MNS1: variants seen among roughly 807,000 people sequenced by gnomAD.
MNS1 encodes meiosis specific nuclear structural 1, also known as meiosis-specific nuclear structural protein 1.
Under a neutral mutation model 72.0 loss-of-function variants are expected in MNS1, and 63 were observed. The observed-to-expected ratio is 0.87, with a 90% CI of 0.71 to 1.08. The LOEUF (loss-of-function observed/expected upper bound fraction) is 1.08, where lower values mean the gene tolerates loss of function less well. Ranked by LOEUF, MNS1 falls within the 50% of genes least tolerant of loss-of-function variation. The pLI, the probability that MNS1 is intolerant of heterozygous loss-of-function variation, is 0.00. For missense variants in MNS1, 604 were observed against 562.4 expected (o/e 1.07, Z -0.75); for synonymous variants, 188 against 172.1 (o/e 1.09, Z -0.72).
rs1205140858 is a variant in MNS1, at chr15:56,462,957, TA to T, written c.225+1068del. 3.3e-3 allele frequency among the ~76,000 whole-genome samples: 491 copies of T among 148,342 alleles called. 3 individuals are homozygous for T. The highest frequency in any genetic ancestry group is 9.8e-3 in the African/African-American group (400 of 40,720). Reference sequence around the variant, plus strand: ...CCCCTAAGATGTGCTTTCTCAGAGTTAAAAAAAAAAATCATATCTAAGCTTT... The same window carrying T: ...CCCCTAAGATGTGCTTTCTCAGAGTTAAAAAAAAAATCATATCTAAGCTTT... On this transcript the variant is annotated intron_variant, in intron 2 of 9. Transcript: ENST00000260453.
rs1308456718 is a variant in MNS1, at chr15:56,455,222, G to A, written c.353+1172C>T. Among the ~76,000 whole-genome samples, 3 of 96,170 alleles carry A rather than the reference G, an allele frequency of 3.1e-5. No homozygotes were observed. The East Asian group carries it at 1.0e-3, about 33-fold the overall frequency. 63.1% of individuals were successfully genotyped at this position (96,170 alleles called of 152,430 possible). On this transcript the variant is annotated intron_variant, in intron 3 of 9. Transcript: ENST00000260453. ...TAATTCTTGTTTTCAGGGAATTAGA[G>A]ATAAGAAATAGTTCATCGTCAGGTG... is the stretch of plus-strand genomic sequence containing the variant.
intron 7 of MNS1, among the ~76,000 whole-genome samples, chr15:56,441,505 A>G (rs925069691): frequency 1.3e-5 from 2 of 152,208 alleles, no homozygotes; most frequent in African/African-American, 2.4e-5. Context: ...CCTGGCAAAG[A>G]TTTCATGATG....
intron 9 of MNS1, among the ~76,000 whole-genome samples, chr15:56,430,881 C>T (rs1208730342): frequency 4.6e-5 from 7 of 152,150 alleles, no homozygotes; most frequent in African/African-American, 1.7e-4. Flanking sequence ...CTCTAAAATA[C>T]AAACTCAGGC....
intron 3 of MNS1, among the ~76,000 whole-genome samples, chr15:56,448,884 G>A (rs1304538087): frequency 3.3e-5 from 5 of 151,632 alleles, no homozygotes; most frequent in Non-Finnish European, 5.9e-5. Context: ...CTCCCAGGTA[G>A]CTGGGACTAC....
chr15:56,454,094 A>G (rs559643720), intron 3 of MNS1, among the ~76,000 whole-genome samples: 1 of 410 alleles, frequency 2.4e-3, no homozygotes, highest in East Asian at 0.5. Context: ...GAGAGGAGGC[A>G]TACTCTGTGA....
intron 3 of MNS1, among the ~76,000 whole-genome samples, chr15:56,450,740 C>T (rs991690609): frequency 1.3e-5 from 2 of 152,056 alleles, no homozygotes; most frequent in African/African-American, 4.8e-5. Flanking sequence ...ATTTAAGTCT[C>T]ACTATTGAAT....
At position 56,444,619 on chromosome 15, in the gene MNS1, T is replaced by C. The variant is rs1401576464; in HGVS notation, c.511A>G (p.Lys171Glu). The C allele has an allele frequency of 1.2e-6, 2 of 1,613,424 alleles. No homozygotes were observed. The highest frequency in any genetic ancestry group is 3.3e-5 in the Admixed American group (2 of 60,000). The change falls in exon 5 of 10, where the codon AAG becomes GAG. Residue 171 changes from lysine (K) to glutamate (E), a missense_variant. Coordinates refer to ENST00000260453, the MANE Select transcript of MNS1 (RefSeq NM_018365.4). ...TTGTCTTCTGCAGCATTCTCTTCCT[T>C]TATTATTCTCTTGTGTTCTTCCATC... ...TMMEEHKRII[K>E]EENAAEDKRN...
intron 2 of MNS1, among the ~76,000 whole-genome samples, chr15:56,459,863 G>A (rs2051005421): frequency 6.7e-6 from 1 of 150,112 alleles, no homozygotes; most frequent in African/African-American, 2.5e-5. Flanking sequence ...GGTGGTGCAT[G>A]CCTATAATCC....
At chr15:56,444,789 C>A in intron 4 of MNS1, 116 bp from the exon 5 acceptor site, 2 of 957,568 alleles carry the variant, frequency 2.1e-6, no homozygotes, top group Admixed American at 5.2e-5. Context: ...TAAATTTTTT[C>A]ATCTGTCTAG....
intron 2 of MNS1, among the ~76,000 whole-genome samples, chr15:56,460,337 T>C (rs550757203): frequency 6.0e-4 from 91 of 151,200 alleles, no homozygotes; most frequent in Non-Finnish European, 1.2e-3. Flanking sequence ...TAATCTGTAA[T>C]TGGAAAAGCA....
At chr15:56,438,646 G>A (rs1293089774) in intron 7 of MNS1, among the ~76,000 whole-genome samples, 5 of 152,138 alleles carry the variant, frequency 3.3e-5, no homozygotes, top group Non-Finnish European at 7.4e-5. Flanking sequence ...TGACAAATGG[G>A]ATCTAATTAA....
intron 3 of MNS1, among the ~76,000 whole-genome samples, chr15:56,455,565 A>G (rs756980092): frequency 7.2e-5 from 11 of 152,176 alleles, no homozygotes; most frequent in Non-Finnish European, 1.5e-4. Context: ...TAAATTTCCA[A>G]TATATTCAAT....
intron 8 of MNS1, among the ~76,000 whole-genome samples, chr15:56,432,232 G>T (rs1596251328): frequency 6.6e-6 from 1 of 152,260 alleles, no homozygotes; most frequent in East Asian, 1.9e-4. Context: ...GGATCTGGCA[G>T]GCCACATTCA....
chr15:56,464,232 TTC>T lies in MNS1; in HGVS notation c.17_18del (p.Arg6LysfsTer5). MGSKR[R>X]NLSCSERHQK... is the part of the protein sequence containing the mutation. ...TGATGCCTTTCACTACAGCTCAAAT[TTC>T]TCCTTTTGGAACCCTACGATGGAAG... On this transcript the variant is annotated frameshift_variant, in exon 2 of 10. Transcript: ENST00000260453. LOFTEE classifies it high-confidence loss of function. The T allele has an allele frequency of 2.5e-6, 4 of 1,608,514 alleles. No individual in the cohort carries two copies. The highest frequency in any genetic ancestry group is 3.4e-6 in the Non-Finnish European group (4 of 1,178,434).
chr15:56,464,942 G>A, intron 1 of MNS1, 28 bp downstream of exon 1: 1 of 1,611,150 alleles, frequency 6.2e-7, no homozygotes, highest in Non-Finnish European at 8.5e-7. Context: ...CAATAAACAA[G>A]TAGTTTCAAG....
chr15:56,462,635 G>A (rs1241154023), intron 2 of MNS1, among the ~76,000 whole-genome samples: 2 of 152,184 alleles, frequency 1.3e-5, no homozygotes, highest in East Asian at 3.8e-4. Context: ...GAAAAACACG[G>A]TGAAGGAGGG....
At chr15:56,432,733 G>C (rs2050630580) in intron 8 of MNS1, among the ~76,000 whole-genome samples, 2 of 152,102 alleles carry the variant, frequency 1.3e-5, no homozygotes, top group Admixed American at 1.3e-4. Flanking sequence ...GTACTAACCA[G>C]GCCTGATCCT....
chr15:56,439,922 T>TTGCTCTAAGAAAAATCG (rs1285339486), intron 7 of MNS1, among the ~76,000 whole-genome samples: 1 of 152,008 alleles, frequency 6.6e-6, no homozygotes, highest in Non-Finnish European at 1.5e-5. Flanking sequence ...TGGAGAACAT[T>TTGCTCTAAGAAAAATCG]TGCTCTAAGA....
chr15:56,431,434 T>C lies in MNS1; in HGVS notation c.1334A>G (p.Glu445Gly). 6.2e-7 allele frequency: 1 copy of C among 1,613,736 alleles called. No homozygotes were observed. The highest frequency in any genetic ancestry group is 2.2e-5 in the East Asian group (1 of 44,870). The stretch of plus-strand genomic sequence containing the variant: ...TTTAAGAAGTTTTAGCCTTTCTTCT[T>C]CAATAATTGCATTAATAAATCCTTG... Reference protein sequence around the residue: ...RRQGFINAIIEEERLKLLKEH... With the variant: ...RRQGFINAIIGEERLKLLKEH... The change falls in exon 9 of 10, where the codon GAA becomes GGA. Residue 445 changes from glutamate (E) to glycine (G), a missense_variant. Transcript: ENST00000260453.
Sources: gnomAD v4.1 joint callset for allele counts (sites outside exome capture counted in the v4.1 genomes callset) on GRCh38, gnomAD v4.1.1 for gene constraint, MANE v1.5 for transcripts, NCBI Gene and HGNC (gene_info 2026-07-23, HGNC 2026-07-21) for gene names.